The following TTC27 variants were observed in gnomAD, a reference collection of about 807,000 sequenced individuals.
The protein encoded by TTC27 is tetratricopeptide repeat domain 27, also known as tetratricopeptide repeat protein 27.
Under a neutral mutation model 115.9 loss-of-function variants are expected in TTC27, and 79 were observed. The observed-to-expected ratio is 0.68, with a 90% CI of 0.57 to 0.82. The LOEUF (loss-of-function observed/expected upper bound fraction) is 0.82, where lower values mean the gene tolerates loss of function less well. TTC27 is among the 40% of genes least tolerant of loss of function. The probability of loss-of-function intolerance (pLI) is 0.00; values close to 1 mark genes in which losing one functional copy is unlikely to be tolerated. For synonymous variants in TTC27, 401 were observed against 356.0 expected, an observed-to-expected ratio of 1.13 and a Z score of -1.42; for missense variants, 1,054 against 993.1, an observed-to-expected ratio of 1.06 and a Z score of -0.82.
At chr2:32,631,693 G>T (rs1375299707) in intron 2 of TTC27, among the ~76,000 whole-genome samples, 1 of 152,140 alleles carries the variant, frequency 6.6e-6, no homozygotes, top group Non-Finnish European at 1.5e-5. Flanking sequence ...ATAAACTATT[G>T]TAGTAGATGT....
intron 9 of TTC27, among the ~76,000 whole-genome samples, chr2:32,679,999 C>T (rs1395553812): frequency 1.3e-5 from 2 of 152,068 alleles, no homozygotes. Flanking sequence ...CAAAACAAAA[C>T]AAAACACAAC....
At chr2:32,674,927 G>C (rs1026278551) in intron 8 of TTC27, among the ~76,000 whole-genome samples, 5 of 152,214 alleles carry the variant, frequency 3.3e-5, no homozygotes, top group African/African-American at 1.2e-4. Context: ...CTCCCAAAGT[G>C]CTGGGATTAC....
chr2:32,661,089 C>T (rs115911887), intron 5 of TTC27, among the ~76,000 whole-genome samples: 5,214 of 152,094 alleles, frequency 0.034, 301 homozygotes, highest in African/African-American at 0.12. Context: ...AGATGTTTGG[C>T]GTTATTTCTG....
intron 16 of TTC27, among the ~76,000 whole-genome samples, chr2:32,798,393 C>A (rs1453825312): frequency 1.4e-5 from 2 of 139,910 alleles, no homozygotes; most frequent in African/African-American, 5.4e-5. Flanking sequence ...GAGCGCGACT[C>A]CATCTCAAAA....
intron 12 of TTC27, among the ~76,000 whole-genome samples, chr2:32,753,134 T>C (rs972962859): frequency 6.6e-6 from 1 of 152,150 alleles, no homozygotes; most frequent in African/African-American, 2.4e-5. Flanking sequence ...TCTCAGGGCC[T>C]GTCAGTGGGA....
intron 10 of TTC27, among the ~76,000 whole-genome samples, chr2:32,725,379 T>C (rs1029750536): frequency 6.6e-6 from 1 of 151,660 alleles, no homozygotes; most frequent in Non-Finnish European, 1.5e-5. Flanking sequence ...GGTGCAGGCA[T>C]TGGGTAAATA....
At chr2:32,803,442 C>T (rs888167916) in intron 16 of TTC27, among the ~76,000 whole-genome samples, 2 of 152,198 alleles carry the variant, frequency 1.3e-5, no homozygotes, top group Non-Finnish European at 2.9e-5. Flanking sequence ...GACAGATAAA[C>T]ACTTTTCTCA....
In TTC27 at chr2:32,674,949, A is replaced by T. The variant is rs535704282; in HGVS notation, c.1052+2565A>T. 2.6e-5 allele frequency among the ~76,000 whole-genome samples: 4 copies of T among 152,286 alleles called. 1 individual carries two copies. In the South Asian group the frequency reaches 8.3e-4, roughly 32 times the overall value. On this transcript the variant is annotated intron_variant, in intron 8 of 19. Transcript: ENST00000317907. ...AGTGCTGGGATTACAGGCGTGAGCC[A>T]CCGCACTTGGCCCTCCAGTGACAGA...
intron 13 of TTC27, among the ~76,000 whole-genome samples, chr2:32,768,755 C>T (rs554848594): frequency 1.3e-5 from 2 of 152,244 alleles, no homozygotes; most frequent in South Asian, 4.1e-4. Context: ...CATAGAATGA[C>T]TGAAGCCTCA....
intron 9 of TTC27, among the ~76,000 whole-genome samples, chr2:32,695,827 C>G (rs1006374105): frequency 5.3e-5 from 8 of 150,870 alleles, no homozygotes; most frequent in Non-Finnish European, 1.2e-4. Flanking sequence ...ACCCTTGAAC[C>G]CAGGAGGTGG....
At chr2:32,790,932 G>T (rs895356963) in intron 16 of TTC27, among the ~76,000 whole-genome samples, 1 of 152,132 alleles carries the variant, frequency 6.6e-6, no homozygotes, top group Non-Finnish European at 1.5e-5. Context: ...TTACCTATTA[G>T]AATATCTCTT....
intron 10 of TTC27, among the ~76,000 whole-genome samples, chr2:32,714,649 T>C (rs1667696878): frequency 6.6e-6 from 1 of 152,190 alleles, no homozygotes; most frequent in Non-Finnish European, 1.5e-5. Context: ...TGTTTTAAGT[T>C]CTTTGAGAAA....
Position 32,660,664 on chromosome 2 carries a change from A to G in TTC27, c.641-3639A>G, listed in dbSNP as rs564749292. 4.6e-5 allele frequency among the ~76,000 whole-genome samples: 7 copies of G among 152,268 alleles called. No individual in the cohort carries two copies. In the East Asian group the frequency reaches 1.2e-3, roughly 25 times the overall value. On this transcript the variant is annotated intron_variant, in intron 5 of 19. Coordinates refer to ENST00000317907, the MANE Select transcript of TTC27 (RefSeq NM_017735.5). ...TTTAAGTTCTTTGTAGATTCTGGAT[A>G]TTAGCCCTTTGTTAGATGGGTAGAT...
intron 10 of TTC27, among the ~76,000 whole-genome samples, chr2:32,723,970 G>GTTTTTTTTTTTTTTTTTTT (rs1668025651): frequency 1.5e-5 from 1 of 66,284 alleles, no homozygotes; most frequent in Non-Finnish European, 3.1e-5. Context: ...GCATACATAA[G>GTTTTTTTTTTTTTTTTTTT]CTTTTTTTTT....
At chr2:32,792,984 T>C (rs1217990823) in intron 16 of TTC27, among the ~76,000 whole-genome samples, 1 of 152,204 alleles carries the variant, frequency 6.6e-6, no homozygotes, top group Non-Finnish European at 1.5e-5. Flanking sequence ...GTGTGGTTCC[T>C]GATGGAGGTG....
intron 10 of TTC27, among the ~76,000 whole-genome samples, chr2:32,728,051 T>G (rs1668167352): frequency 6.9e-6 from 1 of 145,836 alleles, no homozygotes; most frequent in Non-Finnish European, 1.5e-5. Flanking sequence ...TTTTTTTTTT[T>G]TTTTTTTTGG....
intron 16 of TTC27, among the ~76,000 whole-genome samples, chr2:32,798,788 G>A (rs1179778413): frequency 1.3e-5 from 2 of 151,986 alleles, no homozygotes; most frequent in African/African-American, 2.4e-5. Context: ...GCTGTTGGTG[G>A]GAATGTAAAA....
At position 32,628,238 on chromosome 2, in the gene TTC27, G is replaced by C; in HGVS notation, c.-55G>C. The stretch of plus-strand genomic sequence containing the variant: ...TCTCCTGTTTTCACTTTCTTTTGTT[G>C]ACTCCCGTGTGGCCCTCGTGGGAGC... On this transcript the variant is annotated 5_prime_UTR_variant, in exon 1 of 20. Coordinates refer to ENST00000317907, the MANE Select transcript of TTC27 (RefSeq NM_017735.5). 1 of 1,532,356 alleles carries C rather than the reference G, an allele frequency of 6.5e-7. No homozygotes were observed. 94.9% of individuals were successfully genotyped at this position (1,532,356 alleles called of 1,614,324 possible).
chr2:32,758,413 G>A lies in TTC27; in HGVS notation c.1574G>A (p.Arg525His), dbSNP rs2273664. 0.07 allele frequency: 113,222 copies of A among 1,614,118 alleles called. 4,896 individuals carry two copies. The highest frequency in any genetic ancestry group is 0.21 in the East Asian group (9,381 of 44,866). Residue 525 changes from arginine (R) to histidine (H), a missense_variant, in exon 13 of 20, where the codon CGC (arginine) becomes CAC (histidine). Transcript: ENST00000317907. Reference protein sequence around the residue: ...YDKAWELSRYRSARAQRSKAL... With the variant: ...YDKAWELSRYHSARAQRSKAL... ...AAGGCCTGGGAGTTGTCCCGGTACC[G>A]CAGTGCTCGTGCTCAGCGCTCCAAA...
Sources: allele counts gnomAD v4.1 joint callset (sites outside exome capture counted in the v4.1 genomes callset), GRCh38; gene constraint gnomAD v4.1.1; transcripts MANE v1.5; gene names NCBI Gene and HGNC (gene_info 2026-07-23, HGNC 2026-07-21).